BTG4: variants seen among roughly 807,000 people sequenced by gnomAD.
BTG4 encodes BTG anti-proliferation factor 4, also known as protein BTG4.
In BTG4, 10 loss-of-function variants were observed where a neutral mutation model predicts 19.3. The ratio of observed to expected loss-of-function variants is 0.52; its 90% CI spans 0.32 to 0.88. The LOEUF (loss-of-function observed/expected upper bound fraction) is 0.88, where lower values mean the gene tolerates loss of function less well. BTG4 is among the 40% of genes least tolerant of loss of function. BTG4 has a pLI of 0.04. For synonymous variants in BTG4, 91 were observed against 95.7 expected (o/e 0.95, Z 0.29); for missense variants, 238 against 281.9 (o/e 0.84, Z 1.11).
chr11:111,401,696 G>T, the BTG4 span, among the ~76,000 whole-genome samples: 1 of 152,184 alleles, frequency 6.6e-6, no homozygotes, highest in Non-Finnish European at 1.5e-5. Flanking sequence ...TAAGATTTAA[G>T]ATTTGTGCAT....
chr11:111,488,639 A>G (rs1246488325), intron 5 of BTG4, among the ~76,000 whole-genome samples: 1 of 147,332 alleles, frequency 6.8e-6, no homozygotes, highest in Non-Finnish European at 1.5e-5. Flanking sequence ...AAAGGAAATA[A>G]TCAACAAAGT....
the BTG4 span, among the ~76,000 whole-genome samples, chr11:111,394,089 A>G: frequency 1.3e-5 from 2 of 152,240 alleles, no homozygotes; most frequent in African/African-American, 4.8e-5. Context: ...GCCTCACAAT[A>G]GTAGAGGACC....
the BTG4 span, chr11:111,416,278 A>C: frequency 2.0e-5 from 3 of 151,890 alleles, no homozygotes. Context: ...TCCCCTGGAA[A>C]ACAAACTGGG....
the BTG4 span, among the ~76,000 whole-genome samples, chr11:111,405,774 T>A: frequency 2.0e-5 from 3 of 152,248 alleles, no homozygotes; most frequent in African/African-American, 7.2e-5. Flanking sequence ...TGCTACTTGC[T>A]AGCTGTGTGA....
the BTG4 span, among the ~76,000 whole-genome samples, chr11:111,461,209 T>C: frequency 6.6e-6 from 1 of 152,132 alleles, no homozygotes; most frequent in Non-Finnish European, 1.5e-5. Flanking sequence ...TGATAAAAGG[T>C]ATGTGATAAA....
the BTG4 span, among the ~76,000 whole-genome samples, chr11:111,392,681 G>T: frequency 2.6e-5 from 4 of 152,148 alleles, no homozygotes; most frequent in African/African-American, 9.7e-5. Context: ...TCAGAAAGCA[G>T]GGCCTCACCT....
intron 5 of BTG4, among the ~76,000 whole-genome samples, chr11:111,482,441 A>C (rs1591477288): frequency 6.6e-6 from 1 of 152,132 alleles, no homozygotes; most frequent in Admixed American, 6.6e-5. Context: ...TTTTTCATAG[A>C]TATAGACAAG....
chr11:111,491,751 G>C (rs373593477), downstream of BTG4, among the ~76,000 whole-genome samples: 8 of 127,270 alleles, frequency 6.3e-5, no homozygotes, highest in Non-Finnish European at 1.4e-4. Context: ...AAAAAAAAAA[G>C]AAAGAAAGAA....
the BTG4 span, chr11:111,416,155 G>C: frequency 4.6e-5 from 7 of 152,410 alleles, no homozygotes; most frequent in South Asian, 1.4e-3. Flanking sequence ...TAAGGAGAAA[G>C]AGCTTGGAGG....
chr11:111,393,061 C>T, the BTG4 span, among the ~76,000 whole-genome samples: 5 of 152,114 alleles, frequency 3.3e-5, no homozygotes, highest in South Asian at 4.1e-4. Context: ...TATACCATAT[C>T]GTCACCTAGA....
At chr11:111,446,544 C>T in the BTG4 span, among the ~76,000 whole-genome samples, 6 of 151,878 alleles carry the variant, frequency 4.0e-5, no homozygotes, top group Non-Finnish European at 1.5e-5. Context: ...GGGACAGGAA[C>T]GTTTTGGAAT....
At chr11:111,426,312 T>A in the BTG4 span, among the ~76,000 whole-genome samples, 6 of 152,026 alleles carry the variant, frequency 3.9e-5, no homozygotes, top group Admixed American at 3.3e-4. Flanking sequence ...TTGAGAGTGG[T>A]TGTATCTACA....
intron 5 of BTG4, among the ~76,000 whole-genome samples, chr11:111,479,545 T>C (rs1415719959): frequency 6.6e-6 from 1 of 152,102 alleles, no homozygotes; most frequent in Admixed American, 6.6e-5. Flanking sequence ...AAAGAACTTG[T>C]AACATCAGGA....
rs150534551 is a variant in BTG4, at chr11:111,485,263, G to A, written c.662+9900C>T. Among the ~76,000 whole-genome samples the A allele has an allele frequency of 2.8e-3, 425 of 152,182 alleles. 1 individual carries two copies. Among genetic ancestry groups the A allele is most frequent in the African/African-American group, 9.4e-3 (392 of 41,508 alleles). The stretch of plus-strand genomic sequence containing the variant: ...TACTGCACACCAAAAGGACCTAACA[G>A]ACATTTACAGAACATTTTATCCAAC... On this transcript the variant is annotated intron_variant, in intron 5 of 5. Transcript: ENST00000356018.
At chr11:111,492,192 G>A (rs185720162), downstream of BTG4, among the ~76,000 whole-genome samples, 107 of 152,316 alleles carry the variant, frequency 7.0e-4, no homozygotes, top group African/African-American at 2.5e-3. Flanking sequence ...CAGCAGCATG[G>A]GGTTCAGGGG....
At chr11:111,491,366 G>T (rs1865404077), downstream of BTG4, among the ~76,000 whole-genome samples, 1 of 152,064 alleles carries the variant, frequency 6.6e-6, no homozygotes, top group Admixed American at 6.6e-5. Context: ...GTTACCAAGG[G>T]GGAAAACTAG....
chr11:111,498,516 G>A, intron 2 of BTG4, 88 bp downstream of exon 2: 3 of 1,205,000 alleles, frequency 2.5e-6, no homozygotes, highest in Non-Finnish European at 3.6e-6. Context: ...TTACTTATAT[G>A]CAGAAAACAA....
intron 1 of BTG4, among the ~76,000 whole-genome samples, chr11:111,502,599 T>C (rs969572254): frequency 6.6e-6 from 1 of 152,252 alleles, no homozygotes; most frequent in Non-Finnish European, 1.5e-5. Flanking sequence ...GCTGAAATTT[T>C]GCTTCTGAAC....
chr11:111,432,050 C>T, the BTG4 span, among the ~76,000 whole-genome samples: 1 of 152,214 alleles, frequency 6.6e-6, no homozygotes, highest in Non-Finnish European at 1.5e-5. Flanking sequence ...CAGTGCAAAT[C>T]AGTAAGCACT....
Sources: allele counts gnomAD v4.1 joint callset (sites outside exome capture counted in the v4.1 genomes callset), GRCh38; gene constraint gnomAD v4.1.1; transcripts MANE v1.5; gene names NCBI Gene and HGNC (gene_info 2026-07-23, HGNC 2026-07-21).